YPEL2: variants seen among roughly 807,000 people sequenced by gnomAD.
YPEL2 encodes protein yippee-like 2.
In YPEL2, 2 loss-of-function variants were observed where a neutral mutation model predicts 19.1. The ratio of observed to expected loss-of-function variants is 0.10; its 90% CI spans 0.04 to 0.33. The LOEUF (loss-of-function observed/expected upper bound fraction) is 0.33. YPEL2 is among the 10% of genes least tolerant of loss of function. The probability of loss-of-function intolerance (pLI) is 1.00; values close to 1 mark genes in which losing one functional copy is unlikely to be tolerated. For missense variants in YPEL2, 66 were observed against 140.7 expected, an observed-to-expected ratio of 0.47 and a Z score of 2.68; for synonymous variants, 52 against 50.0, an observed-to-expected ratio of 1.04 and a Z score of -0.17.
intron 2 of YPEL2, among the ~76,000 whole-genome samples, chr17:59,382,461 C>T (rs1367932981): frequency 1.3e-5 from 2 of 152,232 alleles, no homozygotes; most frequent in African/African-American, 4.8e-5. Context: ...CAGACAGAAA[C>T]CCCCAGAACA....
At chr17:59,372,329 C>G (rs1214592312) in intron 2 of YPEL2, among the ~76,000 whole-genome samples, 3 of 152,210 alleles carry the variant, frequency 2.0e-5, no homozygotes, top group Non-Finnish European at 4.4e-5. Context: ...AGGCTTGTGG[C>G]TGACCTTTCC....
intron 2 of YPEL2, among the ~76,000 whole-genome samples, chr17:59,383,635 TATATATATATATATATG>T (rs1220268372): frequency 4.8e-5 from 5 of 104,136 alleles, no homozygotes; most frequent in Non-Finnish European, 7.6e-5. Context: ...TATATATATA[TATATATATATATATATG>T]GTCTAATAGT....
intron 4 of YPEL2, 85 bp from the exon 5 acceptor site, chr17:59,397,012 CAGAG>C (rs2048042859): frequency 1.7e-5 from 16 of 924,336 alleles, no homozygotes; most frequent in Non-Finnish European, 2.5e-5. Flanking sequence ...GCCTGGGTGA[CAGAG>C]TGAGACTGCC....
At chr17:59,337,211 G>A (rs1254046720) in intron 1 of YPEL2, among the ~76,000 whole-genome samples, 1 of 142,022 alleles carries the variant, frequency 7.0e-6, no homozygotes, top group African/African-American at 2.7e-5. Context: ...TGTTTGAGAC[G>A]GAGTCTCGCT....
chr17:59,366,144 G>A (rs1378241875), intron 2 of YPEL2: 1 of 129,320 alleles, frequency 7.7e-6, no homozygotes, highest in Non-Finnish European at 1.7e-5. Flanking sequence ...GCAGATAAAT[G>A]AGGAAACAGA....
intron 4 of YPEL2, among the ~76,000 whole-genome samples, chr17:59,394,837 G>A (rs1343684251): frequency 1.3e-5 from 2 of 152,242 alleles, no homozygotes; most frequent in Non-Finnish European, 2.9e-5. Flanking sequence ...CTGCAATCCC[G>A]GCACCTCGGG....
chr17:59,376,949 C>CAAA (rs59030676), intron 2 of YPEL2, among the ~76,000 whole-genome samples: 19 of 48,542 alleles, frequency 3.9e-4, no homozygotes, highest in African/African-American at 7.1e-4. Context: ...CACACTGTCT[C>CAAA]AAAAAAAAAA....
intron 2 of YPEL2, among the ~76,000 whole-genome samples, chr17:59,372,335 T>C (rs1332390970): frequency 1.3e-5 from 2 of 152,244 alleles, no homozygotes; most frequent in Non-Finnish European, 2.9e-5. Context: ...GTGGCTGACC[T>C]TTCCTTTCTG....
intron 1 of YPEL2, among the ~76,000 whole-genome samples, chr17:59,336,599 TG>T (rs1456238022): frequency 1.3e-5 from 2 of 152,182 alleles, no homozygotes; most frequent in Non-Finnish European, 2.9e-5. Flanking sequence ...ACGGGACTGA[TG>T]GGAGGATTAA....
intron 2 of YPEL2, among the ~76,000 whole-genome samples, chr17:59,374,519 A>G (rs112986049): frequency 0.017 from 2,598 of 152,318 alleles, 73 homozygotes; most frequent in African/African-American, 0.057. Context: ...CTGATGTTGG[A>G]CAACTGCCAC....
chr17:59,347,973 C>G (rs2047765302), intron 1 of YPEL2, among the ~76,000 whole-genome samples: 1 of 152,030 alleles, frequency 6.6e-6, no homozygotes, highest in Non-Finnish European at 1.5e-5. Flanking sequence ...CCCCCATTGG[C>G]CATTAAAAAT....
chr17:59,339,190 C>T (rs1345128970), intron 1 of YPEL2, among the ~76,000 whole-genome samples: 1 of 150,848 alleles, frequency 6.6e-6, no homozygotes, highest in Non-Finnish European at 1.5e-5. Flanking sequence ...CTACATTGAC[C>T]CATTGCCAAA....
intron 3 of YPEL2, among the ~76,000 whole-genome samples, chr17:59,388,634 A>T (rs1257170271): frequency 6.6e-6 from 1 of 152,182 alleles, no homozygotes; most frequent in African/African-American, 2.4e-5. Context: ...AGCTGAGGAG[A>T]TTCTGAGAGC....
intron 1 of YPEL2, among the ~76,000 whole-genome samples, chr17:59,334,574 A>G (rs2047689768): frequency 1.8e-5 from 1 of 55,222 alleles, no homozygotes; most frequent in South Asian, 7.0e-4. Context: ...AGGCACAAAC[A>G]CACACACACA....
chr17:59,363,665 T>C (rs2047853532), intron 2 of YPEL2, among the ~76,000 whole-genome samples: 2 of 152,220 alleles, frequency 1.3e-5, no homozygotes, highest in Admixed American at 1.3e-4. Context: ...CTCCTTTAGG[T>C]ATTTTACTTA....
rs72839011 is a variant in YPEL2, at chr17:59,386,598, A to T, written c.118-1729A>T. Reference sequence around the variant, plus strand: ...ATGGGGAGGTAGCAAGAGAAGAGGCAGGAGAGGTGGCATGGCCAGGTCATG... The same window carrying T: ...ATGGGGAGGTAGCAAGAGAAGAGGCTGGAGAGGTGGCATGGCCAGGTCATG... On this transcript the variant is annotated intron_variant, in intron 2 of 4. Coordinates refer to ENST00000312655, the MANE Select transcript of YPEL2 (RefSeq NM_001005404.4). Among the ~76,000 whole-genome samples, 921 of 152,242 alleles carry T rather than the reference A, an allele frequency of 6.0e-3. 11 individuals are homozygous for T. Among genetic ancestry groups the T allele is most frequent in the Admixed American group, 0.01 (155 of 15,282 alleles).
At chr17:59,359,103 T>G (rs1435809911) in intron 2 of YPEL2, among the ~76,000 whole-genome samples, 2 of 151,986 alleles carry the variant, frequency 1.3e-5, no homozygotes, top group Admixed American at 1.3e-4. Context: ...TTTGTATTTT[T>G]AGTAGAGACG....
chr17:59,391,389 A>C (rs1330315862), intron 4 of YPEL2, among the ~76,000 whole-genome samples: 3 of 152,168 alleles, frequency 2.0e-5, no homozygotes, highest in Admixed American at 6.5e-5. Flanking sequence ...CTGTGACCCT[A>C]ATGCTGCTCT....
At chr17:59,337,015 G>T (rs995501547) in intron 1 of YPEL2, among the ~76,000 whole-genome samples, 1 of 152,086 alleles carries the variant, frequency 6.6e-6, no homozygotes. Context: ...CAGCCCCTCC[G>T]TTGTTATTTT....
Sources: gnomAD v4.1 joint callset for allele counts (sites outside exome capture counted in the v4.1 genomes callset) on GRCh38, gnomAD v4.1.1 for gene constraint, MANE v1.5 for transcripts, NCBI Gene and HGNC (gene_info 2026-07-23, HGNC 2026-07-21) for gene names.